ZNF391: variants seen among roughly 807,000 people sequenced by gnomAD.
ZNF391 encodes the protein zinc finger protein 391.
For synonymous variants in ZNF391, 126 were observed against 142.1 expected, an observed-to-expected ratio of 0.89 and a Z score of 0.80; for missense variants, 375 against 425.5, an observed-to-expected ratio of 0.88 and a Z score of 1.04.
At chr6:27,380,408 C>T (rs998242687) in intron 1 of ZNF391, among the ~76,000 whole-genome samples, 2 of 151,612 alleles carry the variant, frequency 1.3e-5, no homozygotes, top group African/African-American at 2.4e-5. Flanking sequence ...TTGTTCGTTT[C>T]TCCCGGTGGG....
chr6:27,377,836 C>T (rs994633172), intron 1 of ZNF391, among the ~76,000 whole-genome samples: 2 of 152,166 alleles, frequency 1.3e-5, no homozygotes, highest in Admixed American at 6.5e-5. Context: ...CTATCTTAGT[C>T]CAAGAAGAAA....
intron 1 of ZNF391, among the ~76,000 whole-genome samples, chr6:27,393,147 AAAC>A (rs1178268321): frequency 6.6e-6 from 1 of 152,240 alleles, no homozygotes; most frequent in East Asian, 1.9e-4. Flanking sequence ...TGAAATGAAA[AAAC>A]AACTACACTT....
chr6:27,397,677 T>C (rs1289712866), intron 1 of ZNF391, among the ~76,000 whole-genome samples: 1 of 152,200 alleles, frequency 6.6e-6, no homozygotes, highest in Non-Finnish European at 1.5e-5. Flanking sequence ...TTGCCCAGGC[T>C]GGAGTGCAGC....
Position 27,401,058 on chromosome 6 carries a change from T to G in ZNF391, c.688T>G (p.Phe230Val). The change falls in exon 3 of 3, where the codon TTC becomes GTC. Residue 230 changes from phenylalanine (F) to valine (V), a missense_variant. Transcript: ENST00000244576. ...PYKCNECGKA[F>V]GDRSTIIQHQ... ...CAAATGTAATGAATGTGGGAAAGCC[T>G]TCGGTGACCGTTCAACCATAATTCA... 6.2e-7 allele frequency: 1 copy of G among 1,614,180 alleles called. No homozygotes were observed. Among genetic ancestry groups the G allele is most frequent in the Non-Finnish European group, 8.5e-7 (1 of 1,180,026 alleles).
At chr6:27,381,228 G>C (rs973739872) in intron 1 of ZNF391, among the ~76,000 whole-genome samples, 2 of 152,262 alleles carry the variant, frequency 1.3e-5, no homozygotes, top group African/African-American at 4.8e-5. Flanking sequence ...AGGCAGCTAA[G>C]GCCCGGCGAG....
At chr6:27,398,827 C>T (rs1166042297) in intron 1 of ZNF391, among the ~76,000 whole-genome samples, 1 of 152,034 alleles carries the variant, frequency 6.6e-6, no homozygotes. Flanking sequence ...CCATTGCACT[C>T]GAGCCTGGGC....
upstream of ZNF391, among the ~76,000 whole-genome samples, chr6:27,386,602 C>T (rs941997835): frequency 2.0e-5 from 3 of 152,126 alleles, no homozygotes; most frequent in Admixed American, 6.5e-5. Context: ...ATAAACCTCA[C>T]ATATACGGTT....
chr6:27,378,029 G>A (rs1761443667), intron 1 of ZNF391, among the ~76,000 whole-genome samples: 1 of 152,164 alleles, frequency 6.6e-6, no homozygotes, highest in South Asian at 2.1e-4. Context: ...AACTTCACAA[G>A]ACTGTGTACA....
rs2113634559 is a variant in ZNF391, at chr6:27,376,833, A to G, written n.523+1696A>G. 6.6e-6 allele frequency among the ~76,000 whole-genome samples: 1 copy of G among 152,308 alleles called. No homozygotes were observed. The highest frequency in any genetic ancestry group is 1.5e-5 in the Non-Finnish European group (1 of 68,030). Reference sequence around the variant, plus strand: ...GCGCCACTGCACTCCAGCCTGGGCGACAAAGCAAGACTCCCTCTCAAAATA... The same window carrying G: ...GCGCCACTGCACTCCAGCCTGGGCGGCAAAGCAAGACTCCCTCTCAAAATA... On this transcript the variant is annotated intron_variant and non_coding_transcript_variant, in intron 1 of 2. Coordinates refer to the ZNF391 transcript ENST00000477999. This position sits in a 1 kb window ranked among gnomAD's most constrained non-coding sequence, Gnocchi z 4.7.
intron 1 of ZNF391, among the ~76,000 whole-genome samples, chr6:27,378,108 T>C (rs1373857123): frequency 1.3e-5 from 2 of 152,248 alleles, no homozygotes; most frequent in African/African-American, 4.8e-5. Context: ...ATATAACTTG[T>C]TTCCAAATAT....
In ZNF391 at chr6:27,379,700, G is replaced by A. The variant is rs149057564; in HGVS notation, n.523+4563G>A. On this transcript the variant is annotated intron_variant and non_coding_transcript_variant, in intron 1 of 2. Transcript: ENST00000477999. ...AATTCCTCTCATGCTTCTAGCAGAG[G>A]GAATGAGAAAAGGAACCATTTTGAA... Among the ~76,000 whole-genome samples the A allele has an allele frequency of 3.6e-3, 550 of 152,276 alleles. 4 individuals are homozygous for A. Among genetic ancestry groups the A allele is most frequent in the African/African-American group, 0.013 (522 of 41,540 alleles).
chr6:27,401,080 T>C lies in ZNF391; in HGVS notation c.710T>C (p.Ile237Thr). ...GCCTTCGGTGACCGTTCAACCATAA[T>C]TCAGCATCAACGAATACACACTGGA... ...GKAFGDRSTI[I>T]QHQRIHTGEN... is the part of the protein sequence containing the mutation. The change falls in exon 3 of 3, where the codon ATT becomes ACT. Residue 237 changes from isoleucine to threonine, a missense_variant. Physicochemically the swap from Ile to Thr is moderately conservative, Grantham distance 89. Transcript: ENST00000244576. The C allele has an allele frequency of 6.2e-7, 1 of 1,614,182 alleles. No individual in the cohort carries two copies. Among genetic ancestry groups the C allele is most frequent in the Non-Finnish European group, 8.5e-7 (1 of 1,180,016 alleles).
chr6:27,388,621 A>C (rs1581528475), upstream of ZNF391: 1 of 304,670 alleles, frequency 3.3e-6, no homozygotes, highest in Non-Finnish European at 6.3e-6. Flanking sequence ...TCTAGCGCCA[A>C]CCTCTCAGCC....
chr6:27,376,735 T>G lies in ZNF391; in HGVS notation n.523+1598T>G, dbSNP rs1251901146. Among the ~76,000 whole-genome samples, 1 of 152,080 alleles carries G rather than the reference T, an allele frequency of 6.6e-6. No individual in the cohort carries two copies. The highest frequency in any genetic ancestry group is 1.5e-5 in the Non-Finnish European group (1 of 68,016). On this transcript the variant is annotated intron_variant and non_coding_transcript_variant, in intron 1 of 2. Transcript: ENST00000477999. This position sits in a 1 kb window ranked among gnomAD's most constrained non-coding sequence, Gnocchi z 4.7. ...TAGCTAGATGTAATGGCGAGCCGCT[T>G]GAAGCTACTCCGGCGGCTGAGGCAG...
intron 1 of ZNF391, among the ~76,000 whole-genome samples, chr6:27,395,579 C>T (rs1761807566): frequency 6.6e-6 from 1 of 152,124 alleles, no homozygotes; most frequent in Admixed American, 6.5e-5. Context: ...CAGCCTAATA[C>T]ATAGTATATA....
At position 27,391,201 on chromosome 6, in the gene ZNF391, CT is replaced by C. The variant is rs386406591; in HGVS notation, c.-188+2146del. On this transcript the variant is annotated intron_variant, in intron 1 of 2. Transcript: ENST00000244576. ...GGATTACTTTGGGGCATTCATTGTA[CT>C]TTTTTTTTTTTTTTTTTTTGAGACA... 5.6e-3 allele frequency: 544 copies of C among 97,262 alleles called. 1 individual carries two copies. The highest frequency in any genetic ancestry group is 0.02 in the African/African-American group (486 of 24,830). The allele number at this position is 97,262 out of a possible 1,614,324, so 6.0% of individuals were successfully genotyped here. A position where few individuals can be genotyped will look rare whatever the true frequency, so the allele number is the denominator to read the frequency against.
chr6:27,385,922 A>G (rs924069468), upstream of ZNF391, among the ~76,000 whole-genome samples: 3 of 152,158 alleles, frequency 2.0e-5, no homozygotes, highest in Non-Finnish European at 4.4e-5. Context: ...AAATCATACA[A>G]TGATTTATCT....
chr6:27,377,274 G>C (rs964738382), intron 1 of ZNF391, among the ~76,000 whole-genome samples: 18 of 152,232 alleles, frequency 1.2e-4, no homozygotes, highest in African/African-American at 4.1e-4. Context: ...GGAAACAACA[G>C]AGGAGACAAT....
intron 1 of ZNF391, among the ~76,000 whole-genome samples, chr6:27,380,990 C>T (rs1025787037): frequency 3.9e-5 from 6 of 152,270 alleles, no homozygotes; most frequent in Non-Finnish European, 8.8e-5. Context: ...GACTCAGGGG[C>T]CCAGCTGGCT....
Sources: gnomAD v4.1 joint callset for allele counts (sites outside exome capture counted in the v4.1 genomes callset) on GRCh38, gnomAD v4.1.1 for gene constraint, Gnocchi (gnomAD v3.1) non-coding constraint, MANE v1.5 for transcripts, NCBI Gene and HGNC (gene_info 2026-07-23, HGNC 2026-07-21) for gene names.